The following BNC2 variants were observed in gnomAD, a reference collection of about 807,000 sequenced individuals.
BNC2 encodes basonuclin zinc finger protein 2.
BNC2 carries 20 observed loss-of-function variants against 76.3 expected under a neutral mutation model. That is an observed-to-expected ratio of 0.26 (90% CI 0.18 to 0.38). The LOEUF (loss-of-function observed/expected upper bound fraction) is 0.38, where lower values mean the gene tolerates loss of function less well. Among genes scored for constraint, BNC2 ranks in the 10% least tolerant of loss-of-function variants. BNC2 has a pLI of 1.00. For missense variants in BNC2, 1,382 were observed against 1,399.8 expected (o/e 0.99, Z 0.20); for synonymous variants, 582 against 514.8 (o/e 1.13, Z -1.77).
chr9:16,832,382 T>A, intron 1 of BNC2: 1 of 1,134,680 alleles, frequency 8.8e-7, no homozygotes, highest in Admixed American at 3.6e-5. Flanking sequence ...ACAATATGTT[T>A]TGCCCAGTTT....
At chr9:16,841,961 T>C (rs1272490662) in intron 1 of BNC2, among the ~76,000 whole-genome samples, 2 of 152,058 alleles carry the variant, frequency 1.3e-5, no homozygotes, top group Non-Finnish European at 2.9e-5. Context: ...AGGCATGCAC[T>C]ACCACGTCCA....
intron 1 of BNC2, among the ~76,000 whole-genome samples, chr9:16,809,589 C>G (rs1165901724): frequency 2.0e-5 from 3 of 152,100 alleles, no homozygotes; most frequent in East Asian, 1.9e-4. Context: ...ATTCAGGAGT[C>G]TCCTGAACCA....
intron 5 of BNC2, among the ~76,000 whole-genome samples, chr9:16,502,079 G>A (rs917569056): frequency 3.3e-5 from 5 of 152,294 alleles, no homozygotes; most frequent in African/African-American, 1.2e-4. Flanking sequence ...GGCATGGAAG[G>A]AGTGGGGGTC....
chr9:16,731,160 T>C (rs1824493228), intron 2 of BNC2, among the ~76,000 whole-genome samples: 1 of 152,246 alleles, frequency 6.6e-6, no homozygotes, highest in Non-Finnish European at 1.5e-5. Flanking sequence ...TGAGTTTTTT[T>C]CACTGGCTAC....
intron 3 of BNC2, among the ~76,000 whole-genome samples, chr9:16,598,824 C>A (rs1266759794): frequency 1.3e-5 from 2 of 152,188 alleles, no homozygotes; most frequent in Non-Finnish European, 2.9e-5. Context: ...ATATCCTGGG[C>A]AATACCTATT....
intron 3 of BNC2, among the ~76,000 whole-genome samples, chr9:16,696,262 A>G (rs1022921225): frequency 1.3e-5 from 2 of 152,114 alleles, no homozygotes; most frequent in Non-Finnish European, 2.9e-5. Flanking sequence ...GCCCTCTACA[A>G]TCTAGCTCTA....
At position 16,569,003 on chromosome 9, in the gene BNC2, G is replaced by GTT. The variant is rs373012680; in HGVS notation, c.433+13978_433+13979dup. On this transcript the variant is annotated intron_variant, in intron 4 of 6. Coordinates refer to ENST00000380672, the MANE Select transcript of BNC2 (RefSeq NM_017637.6). ...TTTAATACCAAGGCTTGCTTCTAGA[G>GTT]TTTTTTTTTTTTTTTTAAAGAGAAG... Among the ~76,000 whole-genome samples, 438 of 135,664 alleles carry GTT rather than the reference G, an allele frequency of 3.2e-3. 3 individuals carry two copies. The highest frequency in any genetic ancestry group is 0.02 in the Middle Eastern group (5 of 250). The allele number at this position is 135,664 out of a possible 152,430, so 89.0% of individuals were successfully genotyped here. A position where few individuals can be genotyped will look rare whatever the true frequency, so the allele number is the denominator to read the frequency against.
In BNC2 at chr9:16,436,727, G is replaced by A. The variant is rs756558250; in HGVS notation, c.1467C>T (p.His489=). 2 of 1,614,212 alleles carry A rather than the reference G, an allele frequency of 1.2e-6. No individual in the cohort carries two copies. Among genetic ancestry groups the A allele is most frequent in the South Asian group, 2.2e-5 (2 of 91,082 alleles). The stretch of plus-strand genomic sequence containing the variant: ...GAAGGCGAGGATTGGGGTTTGCACT[G>A]TGGCGATTACGACTTCGGAGGGAGC... ...VFSSLRSRNR[H]SANPNPRLHM... The change falls in exon 6 of 7, where the codon CAC becomes CAT. Residue 489 remains histidine, a synonymous_variant. Coordinates refer to ENST00000380672, the MANE Select transcript of BNC2 (RefSeq NM_017637.6).
At chr9:16,836,086 AT>A (rs1378352778) in intron 1 of BNC2, among the ~76,000 whole-genome samples, 1 of 152,168 alleles carries the variant, frequency 6.6e-6, no homozygotes, top group African/African-American at 2.4e-5. Context: ...ACAGGGATTG[AT>A]TTTAGCAGTT....
chr9:16,852,382 G>C (rs1023392539), intron 1 of BNC2, among the ~76,000 whole-genome samples: 1 of 152,164 alleles, frequency 6.6e-6, no homozygotes, highest in Non-Finnish European at 1.5e-5. Flanking sequence ...GTTCAGAAAA[G>C]TTCAGCAGCA....
intron 1 of BNC2, among the ~76,000 whole-genome samples, chr9:16,822,319 A>G (rs1245434562): frequency 1.3e-5 from 2 of 152,132 alleles, no homozygotes; most frequent in African/African-American, 4.8e-5. Context: ...ACCCTAATAC[A>G]TACCTAAAAT....
intron 1 of BNC2, among the ~76,000 whole-genome samples, chr9:16,788,277 G>C (rs1826352489): frequency 6.6e-6 from 1 of 152,106 alleles, no homozygotes; most frequent in African/African-American, 2.4e-5. Flanking sequence ...TCCTGGGCCA[G>C]GCGCGGTGGC....
chr9:16,769,804 G>T (rs1825787860), intron 1 of BNC2, among the ~76,000 whole-genome samples: 1 of 152,166 alleles, frequency 6.6e-6, no homozygotes, highest in African/African-American at 2.4e-5. Flanking sequence ...CCACTTACAA[G>T]ATTCATGTGG....
intron 1 of BNC2, among the ~76,000 whole-genome samples, chr9:16,850,298 G>A (rs1345997563): frequency 6.6e-6 from 1 of 152,154 alleles, no homozygotes; most frequent in African/African-American, 2.4e-5. Context: ...TTGGTCAGTG[G>A]AATGATATTT....
chr9:16,832,148 A>C (rs1183901233), intron 1 of BNC2: 1 of 398,888 alleles, frequency 2.5e-6, no homozygotes, highest in Non-Finnish European at 4.0e-6. Flanking sequence ...GGATATTTCA[A>C]CGGTCCATTT....
At chr9:16,611,351 T>C (rs1224029735) in intron 3 of BNC2, among the ~76,000 whole-genome samples, 1 of 152,162 alleles carries the variant, frequency 6.6e-6, no homozygotes, top group Non-Finnish European at 1.5e-5. Context: ...GATGGATTTT[T>C]CTAGTATTTT....
chr9:16,861,718 G>A (rs371718139), intron 1 of BNC2, among the ~76,000 whole-genome samples: 4 of 152,172 alleles, frequency 2.6e-5, no homozygotes, highest in South Asian at 4.1e-4. Flanking sequence ...GGCCAGGCGC[G>A]GTGGCTCACG....
rs754389516 is a variant in BNC2 at position 16,762,285 on chromosome 9, A to C, written c.4-23800T>G. Among the ~76,000 whole-genome samples, 16 of 152,328 alleles carry C rather than the reference A, an allele frequency of 1.1e-4. No individual in the cohort carries two copies. In the South Asian group the frequency reaches 3.3e-3, roughly 32 times the overall value. On this transcript the variant is annotated intron_variant, in intron 1 of 6. Transcript: ENST00000380672. ...TGAGATGAAATGCCAGAAGGGGCTG[A>C]TGTAGGAAATACAATCATCTCGTAC...
At chr9:16,755,844 T>C (rs1220563237) in intron 1 of BNC2, among the ~76,000 whole-genome samples, 1 of 152,210 alleles carries the variant, frequency 6.6e-6, no homozygotes, top group Non-Finnish European at 1.5e-5. Flanking sequence ...TAAAAGACCA[T>C]TTTATCCTTC....
Sources: allele counts gnomAD v4.1 joint callset (sites outside exome capture counted in the v4.1 genomes callset), GRCh38; gene constraint gnomAD v4.1.1; transcripts MANE v1.5; gene names NCBI Gene and HGNC (gene_info 2026-07-23, HGNC 2026-07-21).